Variants in ADRB1 observed in about 807,000 individuals in gnomAD.
ADRB1 encodes adrenoceptor beta 1.
For synonymous variants in ADRB1, 365 were observed against 347.2 expected (o/e 1.05, Z -0.57); for missense variants, 635 against 709.1 (o/e 0.90, Z 1.19).
Position 114,044,195 on chromosome 10 carries a change from G to T in ADRB1, c.63G>T (p.Pro21=). 1 of 1,380,242 alleles carries T rather than the reference G, an allele frequency of 7.2e-7. No homozygotes were observed. The highest frequency in any genetic ancestry group is 9.3e-7 in the Non-Finnish European group (1 of 1,079,578). The allele number at this position is 1,380,242 out of a possible 1,614,324, so 85.5% of individuals were successfully genotyped here. A position where few individuals can be genotyped will look rare whatever the true frequency, so the allele number is the denominator to read the frequency against. The change falls in exon 1 of 1, where the codon CCG becomes CCT. Residue 21 remains proline, a synonymous_variant. Transcript: ENST00000369295. This position sits in a 1 kb window ranked among gnomAD's most constrained non-coding sequence, Gnocchi z 7.8. ...CCGGTAACCTGTCGTCGGCCGCACC[G>T]CTCCCCGACGGCGCGGCCACCGCGG... The part of the protein sequence containing the change: ...SEPGNLSSAA[P]LPDGAATAAR...
Position 114,044,615 on chromosome 10 carries a change from C to G in ADRB1, c.483C>G (p.Thr161=). The G allele has an allele frequency of 6.2e-7, 1 of 1,613,418 alleles. No individual in the cohort carries two copies. ...VIALDRYLAI[T]SPFRYQSLLT... is the part of the protein sequence containing the mutation. ...CCCTGGACCGCTACCTCGCCATCACCTCGCCCTTCCGCTACCAGAGCCTGC... is the reference window on the plus strand; with the variant it reads ...CCCTGGACCGCTACCTCGCCATCACGTCGCCCTTCCGCTACCAGAGCCTGC... The change falls in exon 1 of 1, where the codon ACC becomes ACG. Residue 161 remains threonine, a synonymous_variant. Transcript: ENST00000369295. This position sits in a 1 kb window ranked among gnomAD's most constrained non-coding sequence, Gnocchi z 7.8.
rs1360123843 is a variant in ADRB1, at chr10:114,045,455, C to A, written c.1323C>A (p.Pro441=). The change falls in exon 1 of 1, where the codon CCC becomes CCA. Residue 441 remains proline, a synonymous_variant. Coordinates refer to ENST00000369295, the MANE Select transcript of ADRB1 (RefSeq NM_000684.3). ...ACGATGTCGTCGGGGCCACGCCGCC[C>A]GCGCGCCTGCTGGAGCCCTGGGCCG... ...DDDDVVGATP[P]ARLLEPWAGC... is the part of the protein sequence containing the mutation. The A allele has an allele frequency of 1.6e-6, 2 of 1,253,596 alleles. No individual in the cohort carries two copies. The allele number at this position is 1,253,596 out of a possible 1,614,324, so 77.7% of individuals were successfully genotyped here. A position where few individuals can be genotyped will look rare whatever the true frequency, so the allele number is the denominator to read the frequency against.
chr10:114,044,411 C>G lies in ADRB1; in HGVS notation c.279C>G (p.Thr93=). The stretch of plus-strand genomic sequence containing the variant: ...AGACGCCGCGGCTGCAGACGCTCAC[C>G]AACCTCTTCATCATGTCCCTGGCCA... ...IAKTPRLQTL[T]NLFIMSLASA... Residue 93 remains threonine, a synonymous_variant, in exon 1 of 1, where the codon ACC becomes ACG. Coordinates refer to ENST00000369295, the MANE Select transcript of ADRB1 (RefSeq NM_000684.3). The surrounding 1 kb of genome is among the most constrained non-coding windows in gnomAD (Gnocchi z 7.8). The G allele has an allele frequency of 6.2e-7, 1 of 1,611,958 alleles. No individual in the cohort carries two copies. The highest frequency in any genetic ancestry group is 8.5e-7 in the Non-Finnish European group (1 of 1,179,938).
chr10:114,044,471 G>A lies in ADRB1; in HGVS notation c.339G>A (p.Pro113=). The change falls in exon 1 of 1, where the codon CCG becomes CCA. Residue 113 remains proline (P), a synonymous_variant. Coordinates refer to ENST00000369295, the MANE Select transcript of ADRB1 (RefSeq NM_000684.3). The surrounding 1 kb of genome is among the most constrained non-coding windows in gnomAD (Gnocchi z 7.8). The part of the protein sequence containing the change: ...ADLVMGLLVV[P]FGATIVVWGR... ...TGGTCATGGGGCTGCTGGTGGTGCC[G>A]TTCGGGGCCACCATCGTGGTGTGGG... The A allele has an allele frequency of 1.9e-6, 3 of 1,613,452 alleles. No homozygotes were observed. The highest frequency in any genetic ancestry group is 2.5e-6 in the Non-Finnish European group (3 of 1,179,980).
chr10:114,045,276 G>A lies in ADRB1; in HGVS notation c.1144G>A (p.Asp382Asn). The change falls in exon 1 of 1, where the codon GAC becomes AAC. Residue 382 changes from aspartate (D) to asparagine (N), a missense_variant. Asp to Asn is a conservative substitution (Grantham distance 23, BLOSUM62 1). Coordinates refer to ENST00000369295, the MANE Select transcript of ADRB1 (RefSeq NM_000684.3). ...CCCCATCATCTACTGCCGCAGCCCCGACTTCCGCAAGGCCTTCCAGGGACT... is the reference window on the plus strand; with the variant it reads ...CCCCATCATCTACTGCCGCAGCCCCAACTTCCGCAAGGCCTTCCAGGGACT... ...FNPIIYCRSP[D>N]FRKAFQGLLC... 6.3e-7 allele frequency: 1 copy of A among 1,590,378 alleles called. No homozygotes were observed. The highest frequency in any genetic ancestry group is 1.7e-5 in the Admixed American group (1 of 57,574).
At position 114,045,800 on chromosome 10, in the gene ADRB1, C is replaced by CTTTTTTTTTTT. The variant is rs34635547; in HGVS notation, c.*246_*256dup. 8.2e-4 allele frequency: 97 copies of CTTTTTTTTTTT among 118,728 alleles called. No individual in the cohort carries two copies. Among genetic ancestry groups the CTTTTTTTTTTT allele is most frequent in the African/African-American group, 1.4e-3 (30 of 20,710 alleles). The allele number at this position is 118,728 out of a possible 1,614,324, so 7.4% of individuals were successfully genotyped here. On this transcript the variant is annotated 3_prime_UTR_variant, in exon 1 of 1. Coordinates refer to ENST00000369295, the MANE Select transcript of ADRB1 (RefSeq NM_000684.3). The stretch of plus-strand genomic sequence containing the variant: ...TTTTTCTTTTCTTTTCTTTCTTCTT[C>CTTTTTTTTTTT]TTTTTTTTTTTTTTTTTTTTTTCTG...
Position 114,044,331 on chromosome 10 carries a change from C to G in ADRB1, c.199C>G (p.Leu67Val), listed in dbSNP as rs1182992855. ...AGCGGGCATGGGTCTGCTGATGGCG[C>G]TCATCGTGCTGCTCATCGTGGCGGG... Reference protein sequence around the residue: ...WTAGMGLLMALIVLLIVAGNV... With the variant: ...WTAGMGLLMAVIVLLIVAGNV... Residue 67 changes from leucine to valine, a missense_variant, in exon 1 of 1, where the codon CTC becomes GTC. By Grantham distance (32) the Leu-to-Val change is conservative. Transcript: ENST00000369295. This position sits in a 1 kb window ranked among gnomAD's most constrained non-coding sequence, Gnocchi z 7.8. 19 of 1,601,298 alleles carry G rather than the reference C, an allele frequency of 1.2e-5. No homozygotes were observed. Among genetic ancestry groups the G allele is most frequent in the Non-Finnish European group, 1.5e-5 (18 of 1,176,890 alleles).
chr10:114,044,150 C>G lies in ADRB1; in HGVS notation c.18C>G (p.Leu6=). Residue 6 remains leucine (L), a synonymous_variant, in exon 1 of 1, where the codon CTC becomes CTG. Coordinates refer to ENST00000369295, the MANE Select transcript of ADRB1 (RefSeq NM_000684.3). This position sits in a 1 kb window ranked among gnomAD's most constrained non-coding sequence, Gnocchi z 7.8. ...AGCTCGGCATGGGCGCGGGGGTGCT[C>G]GTCCTGGGCGCCTCCGAGCCCGGTA... is the stretch of plus-strand genomic sequence containing the variant. MGAGV[L]VLGASEPGNL... 7.5e-7 allele frequency: 1 copy of G among 1,325,042 alleles called. No individual in the cohort carries two copies. Among genetic ancestry groups the G allele is most frequent in the Non-Finnish European group, 9.5e-7 (1 of 1,047,188 alleles). 82.1% of individuals were successfully genotyped at this position (1,325,042 alleles called of 1,614,324 possible).
At position 114,045,198 on chromosome 10, in the gene ADRB1, G is replaced by C. The variant is rs1298118358; in HGVS notation, c.1066G>C (p.Asp356His). ...GGCCTTCCACCGCGAGCTGGTGCCC[G>C]ACCGCCTCTTCGTCTTCTTCAACTG... is the stretch of plus-strand genomic sequence containing the variant. ...VKAFHRELVP[D>H]RLFVFFNWLG... Residue 356 changes from aspartate to histidine, a missense_variant, in exon 1 of 1, where the codon GAC becomes CAC. Physicochemically the swap from Asp to His is moderately conservative, Grantham distance 81 (BLOSUM62 -1). Transcript: ENST00000369295. The C allele has an allele frequency of 1.0e-5, 16 of 1,597,738 alleles. No homozygotes were observed. Among genetic ancestry groups the C allele is most frequent in the Non-Finnish European group, 1.4e-5 (16 of 1,171,848 alleles).
Position 114,044,047 on chromosome 10 carries a change from G to C in ADRB1, c.-86G>C. 9.0e-7 allele frequency: 1 copy of C among 1,111,364 alleles called. No individual in the cohort carries two copies. Among genetic ancestry groups the C allele is most frequent in the Non-Finnish European group, 1.1e-6 (1 of 890,692 alleles). The allele number at this position is 1,111,364 out of a possible 1,614,324, so 68.8% of individuals were successfully genotyped here. ...TGACCCGGCCGCGACCTCCCTCTGCGCACCACGCCGCCCGGGCTTCTGGGG... is the reference window on the plus strand; with the variant it reads ...TGACCCGGCCGCGACCTCCCTCTGCCCACCACGCCGCCCGGGCTTCTGGGG... On this transcript the variant is annotated 5_prime_UTR_variant, in exon 1 of 1. Transcript: ENST00000369295. The surrounding 1 kb of genome is among the most constrained non-coding windows in gnomAD (Gnocchi z 7.8).
At position 114,044,390 on chromosome 10, in the gene ADRB1, GC is replaced by G. The variant is rs752114439; in HGVS notation, c.260del (p.Pro87ArgfsTer56). On this transcript the variant is annotated frameshift_variant, in exon 1 of 1. Coordinates refer to ENST00000369295, the MANE Select transcript of ADRB1 (RefSeq NM_000684.3). LOFTEE classifies it low-confidence loss of function (END_TRUNC). This position sits in a 1 kb window ranked among gnomAD's most constrained non-coding sequence, Gnocchi z 7.8. ...TGGTGATCGTGGCCATCGCCAAGACGCCGCGGCTGCAGACGCTCACCAACCT... is the reference window on the plus strand; with the variant it reads ...TGGTGATCGTGGCCATCGCCAAGACGCGCGGCTGCAGACGCTCACCAACCT... ...VLVIVAIAKTPRLQTLTNLFI... is the reference protein window; with the variant it reads ...VLVIVAIAKTXRLQTLTNLFI... 6.2e-7 allele frequency: 1 copy of G among 1,610,690 alleles called. No homozygotes were observed. Among genetic ancestry groups the G allele is most frequent in the Non-Finnish European group, 8.5e-7 (1 of 1,179,818 alleles).
Position 114,044,935 on chromosome 10 carries a change from G to T in ADRB1, c.803G>T (p.Gly268Val). ...AGCTGCGAGCGCCGTTTCCTCGGCG[G>T]CCCAGCGCGGCCGCCCTCGCCCTCG... is the stretch of plus-strand genomic sequence containing the variant. ...IDSCERRFLG[G>V]PARPPSPSPS... Residue 268 changes from glycine to valine, a missense_variant, in exon 1 of 1, where the codon GGC (glycine) becomes GTC (valine). Gly to Val is a moderately radical substitution (Grantham distance 109). Transcript: ENST00000369295. The surrounding 1 kb of genome is among the most constrained non-coding windows in gnomAD (Gnocchi z 7.8). 1 of 1,541,116 alleles carries T rather than the reference G, an allele frequency of 6.5e-7. No homozygotes were observed. The highest frequency in any genetic ancestry group is 8.7e-7 in the Non-Finnish European group (1 of 1,144,764).
At position 114,045,447 on chromosome 10, in the gene ADRB1, A is replaced by C; in HGVS notation, c.1315A>C (p.Thr439Pro). 1 of 1,250,352 alleles carries C rather than the reference A, an allele frequency of 8.0e-7. No individual in the cohort carries two copies. Among genetic ancestry groups the C allele is most frequent in the Non-Finnish European group, 1.0e-6 (1 of 996,006 alleles). 77.5% of individuals were successfully genotyped at this position (1,250,352 alleles called of 1,614,324 possible). A position where few individuals can be genotyped will look rare whatever the true frequency, so the allele number is the denominator to read the frequency against. ...CGACGACGACGATGTCGTCGGGGCC[A>C]CGCCGCCCGCGCGCCTGCTGGAGCC... ...DDDDDDVVGATPPARLLEPWA... is the reference protein window; with the variant it reads ...DDDDDDVVGAPPPARLLEPWA... Residue 439 changes from threonine (T) to proline (P), a missense_variant, in exon 1 of 1, where the codon ACG becomes CCG. Thr to Pro is a conservative substitution (Grantham distance 38). Transcript: ENST00000369295.
chr10:114,044,207 C>T lies in ADRB1; in HGVS notation c.75C>T (p.Gly25=), dbSNP rs957978969. 4.3e-6 allele frequency: 6 copies of T among 1,394,292 alleles called. No individual in the cohort carries two copies. The African/African-American group carries it at 6.1e-5, about 14-fold the overall frequency. 86.4% of individuals were successfully genotyped at this position (1,394,292 alleles called of 1,614,324 possible). A position where few individuals can be genotyped will look rare whatever the true frequency, so the allele number is the denominator to read the frequency against. ...NLSSAAPLPD[G]AATAARLLVP... ...CGTCGGCCGCACCGCTCCCCGACGG[C>T]GCGGCCACCGCGGCGCGGCTGCTGG... Residue 25 remains glycine, a synonymous_variant, in exon 1 of 1, where the codon GGC becomes GGT. Transcript: ENST00000369295. The surrounding 1 kb of genome is among the most constrained non-coding windows in gnomAD (Gnocchi z 7.8).
rs2119527301 is a variant in ADRB1 at position 114,043,964 on chromosome 10, G to T, written c.-169G>T. The T allele has an allele frequency of 2.6e-6, 1 of 387,094 alleles. No homozygotes were observed. Among genetic ancestry groups the T allele is most frequent in the Non-Finnish European group, 4.0e-6 (1 of 252,676 alleles). The allele number at this position is 387,094 out of a possible 1,614,324, so 24.0% of individuals were successfully genotyped here. On this transcript the variant is annotated 5_prime_UTR_variant, in exon 1 of 1. Transcript: ENST00000369295. ...GGCGGCAGCGGCAGCGACAGCGCTC[G>T]GCTCCTGCGGGAAAGGCGCCCGGCG...
chr10:114,045,365 C>T lies in ADRB1; in HGVS notation c.1233C>T (p.Ala411=). 1 of 1,382,556 alleles carries T rather than the reference C, an allele frequency of 7.2e-7. No individual in the cohort carries two copies. Among genetic ancestry groups the T allele is most frequent in the Non-Finnish European group, 9.4e-7 (1 of 1,061,274 alleles). 85.6% of individuals were successfully genotyped at this position (1,382,556 alleles called of 1,614,324 possible). A position where few individuals can be genotyped will look rare whatever the true frequency, so the allele number is the denominator to read the frequency against. The change falls in exon 1 of 1, where the codon GCC becomes GCT. Residue 411 remains alanine, a synonymous_variant. Transcript: ENST00000369295. The part of the protein sequence containing the change: ...RHATHGDRPR[A]SGCLARPGPP... ...CGACCCACGGAGACCGGCCGCGCGCCTCGGGCTGTCTGGCCCGGCCCGGAC... is the reference window on the plus strand; with the variant it reads ...CGACCCACGGAGACCGGCCGCGCGCTTCGGGCTGTCTGGCCCGGCCCGGAC...
Position 114,045,563 on chromosome 10 carries a change from G to A in ADRB1, c.1431G>A (p.Val477=). The stretch of plus-strand genomic sequence containing the variant: ...CCGGCTTCGCCTCGGAATCCAAGGT[G>A]TAGGGCCCGGCGCGGGGCGCGGACT... ...CRPGFASESK[V] The change falls in exon 1 of 1, where the codon GTG becomes GTA. Residue 477 remains valine (V), a synonymous_variant. Coordinates refer to ENST00000369295, the MANE Select transcript of ADRB1 (RefSeq NM_000684.3). 7.7e-7 allele frequency: 1 copy of A among 1,291,424 alleles called. No homozygotes were observed. Among genetic ancestry groups the A allele is most frequent in the Non-Finnish European group, 9.9e-7 (1 of 1,012,516 alleles). 80.0% of individuals were successfully genotyped at this position (1,291,424 alleles called of 1,614,324 possible). A position where few individuals can be genotyped will look rare whatever the true frequency, so the allele number is the denominator to read the frequency against.
At position 114,043,963 on chromosome 10, in the gene ADRB1, C is replaced by A. The variant is rs1416704410; in HGVS notation, c.-170C>A. 7.6e-5 allele frequency: 29 copies of A among 382,646 alleles called. No homozygotes were observed. In the Admixed American group the frequency reaches 8.5e-4, roughly 11 times the overall value. The allele number at this position is 382,646 out of a possible 1,614,324, so 23.7% of individuals were successfully genotyped here. ...CGGCGGCAGCGGCAGCGACAGCGCT[C>A]GGCTCCTGCGGGAAAGGCGCCCGGC... On this transcript the variant is annotated 5_prime_UTR_variant, in exon 1 of 1. An upstream open reading frame in the 5' UTR gains an earlier in-frame stop. Transcript: ENST00000369295.
rs1444134470 is a variant in ADRB1, at chr10:114,044,297, G to A, written c.165G>A (p.Gln55=). ...PASESPEPLS[Q]QWTAGMGLLM... Reference sequence around the variant, plus strand: ...GCGAAAGCCCCGAGCCGCTGTCTCAGCAGTGGACAGCGGGCATGGGTCTGC... The same window carrying A: ...GCGAAAGCCCCGAGCCGCTGTCTCAACAGTGGACAGCGGGCATGGGTCTGC... The change falls in exon 1 of 1, where the codon CAG becomes CAA. Residue 55 remains glutamine (Q), a synonymous_variant. Coordinates refer to ENST00000369295, the MANE Select transcript of ADRB1 (RefSeq NM_000684.3). This position sits in a 1 kb window ranked among gnomAD's most constrained non-coding sequence, Gnocchi z 7.8. 1 of 1,594,046 alleles carries A rather than the reference G, an allele frequency of 6.3e-7. No homozygotes were observed.
Sources: gnomAD v4.1 joint callset for allele counts on GRCh38, gnomAD v4.1.1 for gene constraint, Gnocchi (gnomAD v3.1) non-coding constraint, MANE v1.5 for transcripts, NCBI Gene and HGNC (gene_info 2026-07-23, HGNC 2026-07-21) for gene names.